The following POGZ variants were observed in gnomAD, a reference collection of about 807,000 sequenced individuals.
POGZ encodes pogo transposable element with ZNF domain.
Under a neutral mutation model 134.6 loss-of-function variants are expected in POGZ, and 17 were observed. That is an observed-to-expected ratio of 0.13 (90% CI 0.09 to 0.19). POGZ has a LOEUF of 0.19. POGZ is among the 10% of genes least tolerant of loss of function. The probability of loss-of-function intolerance (pLI) is 1.00; values close to 1 mark genes in which losing one functional copy is unlikely to be tolerated. For missense variants in POGZ, 1,306 were observed against 1,769.7 expected, an observed-to-expected ratio of 0.74 and a Z score of 4.70; for synonymous variants, 693 against 657.1, an observed-to-expected ratio of 1.05 and a Z score of -0.84.
chr1:151,423,951 A>T lies in POGZ; in HGVS notation c.1521T>A (p.Ile507=). 1 of 1,611,020 alleles carries T rather than the reference A, an allele frequency of 6.2e-7. No individual in the cohort carries two copies. Among genetic ancestry groups the T allele is most frequent in the Non-Finnish European group, 8.5e-7 (1 of 1,177,500 alleles). Residue 507 remains isoleucine, a splice_region_variant and synonymous_variant, in exon 9 of 19, where the codon ATT becomes ATA. Coordinates refer to ENST00000271715, the MANE Select transcript of POGZ (RefSeq NM_015100.4). Reference sequence around the variant, plus strand: ...TTCCAAGGCTCTTAAACACTTACCGAATATTGTTTTTTAGCCTTTTGGTAC... The same window carrying T: ...TTCCAAGGCTCTTAAACACTTACCGTATATTGTTTTTTAGCCTTTTGGTAC... ...PHCTKRLKNN[I]RFMNHMKHHV...
intron 3 of POGZ, among the ~76,000 whole-genome samples, chr1:151,435,964 T>C (rs1306055387): frequency 1.3e-5 from 2 of 150,634 alleles, no homozygotes; most frequent in African/African-American, 4.9e-5. Flanking sequence ...TTTTCTTTTT[T>C]TTTTTTTTTG....
At chr1:151,418,303 A>G (rs1450123111) in intron 10 of POGZ, among the ~76,000 whole-genome samples, 1 of 152,150 alleles carries the variant, frequency 6.6e-6, no homozygotes, top group Non-Finnish European at 1.5e-5. Context: ...ACATGGTTAG[A>G]ACTGGAAGTC....
At chr1:151,428,553 G>A in intron 5 of POGZ, 140 bp from the exon 6 acceptor site, 1 of 755,452 alleles carries the variant, frequency 1.3e-6, no homozygotes, top group Non-Finnish European at 2.2e-6. Context: ...AGATTCTAAA[G>A]ACTAAGAAAG....
At chr1:151,407,098 G>T in intron 16 of POGZ, 75 bp from the exon 17 acceptor site, 2 of 1,271,704 alleles carry the variant, frequency 1.6e-6, no homozygotes, top group Non-Finnish European at 2.3e-6. Context: ...TGAGGCTTAA[G>T]AAAGAAAAGG....
Position 151,429,583 on chromosome 1 carries a change from G to A in POGZ, c.568+20C>T, listed in dbSNP as rs745959173. The A allele has an allele frequency of 8.5e-6, 11 of 1,287,958 alleles. No individual in the cohort carries two copies. Among genetic ancestry groups the A allele is most frequent in the South Asian group, 2.4e-5 (2 of 82,254 alleles). 79.8% of individuals were successfully genotyped at this position (1,287,958 alleles called of 1,614,324 possible). On this transcript the variant is annotated intron_variant, in intron 5 of 18. Coordinates refer to ENST00000271715, the MANE Select transcript of POGZ (RefSeq NM_015100.4). Reference sequence around the variant, plus strand: ...TTCTGGATGCCAGTTTATTCCAAATGGATAGACATTTTTCCTTACCTGGAA... The same window carrying A: ...TTCTGGATGCCAGTTTATTCCAAATAGATAGACATTTTTCCTTACCTGGAA...
At position 151,425,687 on chromosome 1, in the gene POGZ, A is replaced by G. The variant is rs578237967; in HGVS notation, c.1079-626T>C. 5.3e-5 allele frequency among the ~76,000 whole-genome samples: 8 copies of G among 152,296 alleles called. No homozygotes were observed. In the East Asian group the frequency reaches 1.2e-3, roughly 22 times the overall value. On this transcript the variant is annotated intron_variant, in intron 7 of 18. Coordinates refer to ENST00000271715, the MANE Select transcript of POGZ (RefSeq NM_015100.4). ...CATGTTGCAGCACATGTTGTAGCAG[A>G]ATTTCCTTTCTTAAGCCTGAACAAT...
rs1247961801 is a variant in POGZ, at chr1:151,403,207, A to C, written c.*1595T>G. Reference sequence around the variant, plus strand: ...ATTATAGTGTGCTGGGGGATGAAAAAACAAACAAACAAAAAAGCAGGGTGG... The same window carrying C: ...ATTATAGTGTGCTGGGGGATGAAAACACAAACAAACAAAAAAGCAGGGTGG... On this transcript the variant is annotated 3_prime_UTR_variant, in exon 19 of 19. Coordinates refer to ENST00000271715, the MANE Select transcript of POGZ (RefSeq NM_015100.4). 2 of 984,728 alleles carry C rather than the reference A, an allele frequency of 2.0e-6. No homozygotes were observed. The highest frequency in any genetic ancestry group is 3.5e-5 in the African/African-American group (2 of 57,184). 61.0% of individuals were successfully genotyped at this position (984,728 alleles called of 1,614,324 possible).
chr1:151,424,282 C>T lies in POGZ; in HGVS notation c.1190G>A (p.Cys397Tyr). ...CTGGTATTCAACCATTTCTGGGCAACAGTACTATAAAGAAAGACATCTGAT... is the reference window on the plus strand; with the variant it reads ...CTGGTATTCAACCATTTCTGGGCAATAGTACTATAAAGAAAGACATCTGAT... ...TEALRGHMCY[C>Y]CPEMVEYQKK... Residue 397 changes from cysteine to tyrosine, a missense_variant, in exon 9 of 19, where the codon TGT becomes TAT. Transcript: ENST00000271715. 1 of 1,575,024 alleles carries T rather than the reference C, an allele frequency of 6.3e-7. No homozygotes were observed. Among genetic ancestry groups the T allele is most frequent in the Non-Finnish European group, 8.6e-7 (1 of 1,157,366 alleles).
intron 1 of POGZ, among the ~76,000 whole-genome samples, chr1:151,450,063 GCT>G (rs1661854910): frequency 9.8e-6 from 1 of 102,038 alleles, no homozygotes; most frequent in Admixed American, 1.6e-4. Context: ...ACGGAGTCTT[GCT>G]CTGTCACCCA....
At chr1:151,415,910 A>G (rs2102217545) in intron 10 of POGZ, among the ~76,000 whole-genome samples, 1 of 151,920 alleles carries the variant, frequency 6.6e-6, no homozygotes, top group African/African-American at 2.4e-5. Context: ...TTAGACATAA[A>G]TATTAAAAGA....
At chr1:151,415,988 C>T (rs1011074110) in intron 10 of POGZ, among the ~76,000 whole-genome samples, 4 of 151,316 alleles carry the variant, frequency 2.6e-5, no homozygotes, top group East Asian at 2.0e-4. Flanking sequence ...CAGAGGCAGG[C>T]GGATCATCTG....
chr1:151,441,508 T>C (rs140662388), intron 2 of POGZ, among the ~76,000 whole-genome samples: 11 of 152,250 alleles, frequency 7.2e-5, no homozygotes, highest in East Asian at 5.8e-4. Flanking sequence ...GATAAAAATA[T>C]AGAGCAACTG....
chr1:151,411,685 A>C lies in POGZ; in HGVS notation c.1866T>G (p.Pro622=). 2 of 1,613,624 alleles carry C rather than the reference A, an allele frequency of 1.2e-6. No individual in the cohort carries two copies. The highest frequency in any genetic ancestry group is 1.7e-6 in the Non-Finnish European group (2 of 1,179,708). Residue 622 remains proline (P), a synonymous_variant, in exon 12 of 19, where the codon CCT becomes CCG. Transcript: ENST00000271715. ...CATTTTTGAAGACCTTCAGGCAATA[A>C]GGGCAGAGCAGATGCCGGGTATCCT... ...IHEDTRHLLC[P]YCLKVFKNGN...
intron 3 of POGZ, 186 bp downstream of exon 3, chr1:151,440,742 C>T (rs1351367353): frequency 4.6e-6 from 2 of 437,124 alleles, no homozygotes; most frequent in Non-Finnish European, 8.2e-6. Context: ...CGAGTCAGCA[C>T]TAACTTAGAA....
At chr1:151,435,366 A>C (rs548083932) in intron 3 of POGZ, among the ~76,000 whole-genome samples, 1 of 152,324 alleles carries the variant, frequency 6.6e-6, no homozygotes, top group African/African-American at 2.4e-5. Context: ...TTCACCTCAT[A>C]ATGTTTCTTT....
chr1:151,424,870 T>C, intron 8 of POGZ, 85 bp downstream of exon 8: 2 of 715,906 alleles, frequency 2.8e-6, no homozygotes, highest in Non-Finnish European at 5.0e-6. Flanking sequence ...TCAGTCATTT[T>C]AGAGCCCCTG....
Position 151,408,776 on chromosome 1 carries a change from T to C in POGZ, c.1979A>G (p.Lys660Arg). The change falls in exon 13 of 19, where the codon AAG becomes AGG. Residue 660 changes from lysine (K) to arginine (R), a missense_variant. This residue lies in a region of POGZ where 149 missense variants were observed against 237.5 expected (regional missense o/e 0.63). Transcript: ENST00000271715. ...TTGAAGCTTGTGTTCAATTTTGTCC[T>C]TGGCAAAGAGAAACTGCAGCCGGCA... ...NKCRLQFLFA[K>R]DKIEHKLQHH... 1 of 1,614,082 alleles carries C rather than the reference T, an allele frequency of 6.2e-7. No individual in the cohort carries two copies. Among genetic ancestry groups the C allele is most frequent in the Non-Finnish European group, 8.5e-7 (1 of 1,179,984 alleles).
chr1:151,440,354 G>C (rs1400054625), intron 3 of POGZ, among the ~76,000 whole-genome samples: 1 of 151,060 alleles, frequency 6.6e-6, no homozygotes, highest in Non-Finnish European at 1.5e-5. Flanking sequence ...AGACATAACT[G>C]GTCAACAACT....
intron 3 of POGZ, 86 bp downstream of exon 3, chr1:151,440,842 C>A: frequency 8.9e-7 from 1 of 1,117,960 alleles, no homozygotes; most frequent in South Asian, 1.4e-5. Flanking sequence ...CTGTACCTAA[C>A]TAAACAGGTA....
Sources: gnomAD v4.1 joint callset for allele counts (sites outside exome capture counted in the v4.1 genomes callset) on GRCh38, gnomAD v4.1.1 for gene constraint, gnomAD v4.1.1 regional missense constraint, MANE v1.5 for transcripts, NCBI Gene and HGNC (gene_info 2026-07-23, HGNC 2026-07-21) for gene names.